Variants in PPP4R4 observed in about 807,000 individuals in gnomAD.
PPP4R4 encodes the protein serine/threonine-protein phosphatase 4 regulatory subunit 4.
In PPP4R4, 70 loss-of-function variants were observed where a neutral mutation model predicts 121.8. That is an observed-to-expected ratio of 0.57 (90% CI 0.47 to 0.70). PPP4R4 has a LOEUF of 0.70. Among genes scored for constraint, PPP4R4 ranks in the 30% least tolerant of loss-of-function variants. The pLI, the probability that PPP4R4 is intolerant of heterozygous loss-of-function variation, is 0.00. For synonymous variants in PPP4R4, 348 were observed against 355.7 expected, an observed-to-expected ratio of 0.98 and a Z score of 0.24; for missense variants, 875 against 1,033.6, an observed-to-expected ratio of 0.85 and a Z score of 2.10.
intron 24 of PPP4R4, among the ~76,000 whole-genome samples, chr14:94,277,699 CTCTT>C (rs1894719188): frequency 6.6e-6 from 1 of 152,136 alleles, no homozygotes; most frequent in Admixed American, 6.5e-5. Context: ...TCAGATTACT[CTCTT>C]TATCTGTTGT....
chr14:94,256,690 G>A (rs1595532703), intron 17 of PPP4R4, 86 bp downstream of exon 17: 2 of 1,256,708 alleles, frequency 1.6e-6, no homozygotes, highest in Non-Finnish European at 2.2e-6. Context: ...TGACAGGATA[G>A]CAATATATTA....
chr14:94,252,891 A>G (rs1893259958), intron 16 of PPP4R4, among the ~76,000 whole-genome samples: 1 of 152,214 alleles, frequency 6.6e-6, no homozygotes, highest in Non-Finnish European at 1.5e-5. Context: ...AAACTTTTTA[A>G]TAGGAAGAGT....
At chr14:94,211,613 A>G (rs1274207946) in intron 3 of PPP4R4, among the ~76,000 whole-genome samples, 4 of 152,094 alleles carry the variant, frequency 2.6e-5, no homozygotes, top group Admixed American at 2.0e-4. Flanking sequence ...TTCTTAGGAC[A>G]GTGAAAAGTC....
Position 94,233,648 on chromosome 14 carries a change from T to C in PPP4R4, c.517-5T>C. The C allele has an allele frequency of 4.5e-6, 7 of 1,553,194 alleles. No homozygotes were observed. The highest frequency in any genetic ancestry group is 6.2e-6 in the Non-Finnish European group (7 of 1,133,270). ...TGAATTTTTTTCTCTAAATTTTCTC[T>C]TTAGATTTTGAATCCACTTGTTTCC... On this transcript the variant is annotated splice_polypyrimidine_tract_variant and splice_region_variant and intron_variant, in intron 5 of 24. Coordinates refer to ENST00000304338, the MANE Select transcript of PPP4R4 (RefSeq NM_058237.2).
chr14:94,208,667 C>A, intron 3 of PPP4R4, 101 bp downstream of exon 3: 2 of 801,054 alleles, frequency 2.5e-6, no homozygotes, highest in Non-Finnish European at 3.9e-6. Context: ...ATCTTTTGCA[C>A]CTAAAAATTG....
intron 2 of PPP4R4, among the ~76,000 whole-genome samples, chr14:94,196,339 A>T (rs1338121479): frequency 1.6e-5 from 2 of 124,820 alleles, no homozygotes; most frequent in Non-Finnish European, 3.2e-5. Flanking sequence ...TGGAGACAGA[A>T]TTTCATTCTG....
chr14:94,210,567 A>C (rs1193216046), intron 3 of PPP4R4, among the ~76,000 whole-genome samples: 1 of 152,136 alleles, frequency 6.6e-6, no homozygotes, highest in East Asian at 1.9e-4. Flanking sequence ...TTATTTTACT[A>C]ATCAACATGC....
intron 8 of PPP4R4, among the ~76,000 whole-genome samples, chr14:94,239,238 G>A (rs1460320541): frequency 6.7e-6 from 1 of 149,750 alleles, no homozygotes; most frequent in Admixed American, 6.7e-5. Context: ...TAGGGTACAT[G>A]GGCACGACGT....
chr14:94,208,658 T>C (rs948317683), intron 3 of PPP4R4, 92 bp downstream of exon 3: 2 of 884,138 alleles, frequency 2.3e-6, no homozygotes, highest in African/African-American at 1.7e-5. Context: ...TGATGGCTGA[T>C]CTTTTGCACC....
chr14:94,262,657 T>A (rs1016405797), intron 19 of PPP4R4, among the ~76,000 whole-genome samples: 1 of 152,078 alleles, frequency 6.6e-6, no homozygotes, highest in Non-Finnish European at 1.5e-5. Context: ...TCTTGAAGAA[T>A]ACACTCTTAG....
intron 23 of PPP4R4, among the ~76,000 whole-genome samples, chr14:94,274,051 C>A (rs551435933): frequency 6.6e-6 from 1 of 152,186 alleles, no homozygotes; most frequent in South Asian, 2.1e-4. Flanking sequence ...CATTCTATGA[C>A]CACATGTACA....
chr14:94,236,370 A>G (rs2139552792), intron 7 of PPP4R4, among the ~76,000 whole-genome samples: 1 of 152,298 alleles, frequency 6.6e-6, no homozygotes, highest in Non-Finnish European at 1.5e-5. Flanking sequence ...GTAGGTATAC[A>G]AATATATTCT....
intron 2 of PPP4R4, 61 bp downstream of exon 2, chr14:94,176,188 G>A (rs1368545461): frequency 3.7e-6 from 5 of 1,364,980 alleles, no homozygotes; most frequent in Non-Finnish European, 5.2e-6. Flanking sequence ...AGAGATGAAT[G>A]CTTTCTAAAA....
intron 3 of PPP4R4, among the ~76,000 whole-genome samples, chr14:94,211,220 C>T (rs764026301): frequency 1.3e-4 from 20 of 152,086 alleles, no homozygotes; most frequent in Non-Finnish European, 2.8e-4. Context: ...AGGCTACAGT[C>T]CAGATGGAGA....
Position 94,218,211 on chromosome 14 carries a change from C to T in PPP4R4, c.294+9645C>T, listed in dbSNP as rs117646375. On this transcript the variant is annotated intron_variant, in intron 3 of 24. Transcript: ENST00000304338. ...AAAAGAGATCTAATATATATGCAAT[C>T]GGCATCTCAGAAAGAGAAAGGAGAA... Among the ~76,000 whole-genome samples, 1,345 of 152,090 alleles carry T rather than the reference C, an allele frequency of 8.8e-3. 12 individuals carry two copies. The highest frequency in any genetic ancestry group is 0.013 in the Non-Finnish European group (915 of 67,996).
intron 2 of PPP4R4, among the ~76,000 whole-genome samples, chr14:94,194,395 C>G (rs967222143): frequency 1.3e-5 from 2 of 152,080 alleles, no homozygotes; most frequent in Non-Finnish European, 2.9e-5. Context: ...CAAGTTGTAA[C>G]CATGATGATT....
rs61680676 is a variant in PPP4R4, at chr14:94,265,891, C to T, written c.2378+4C>T. ...GCAACTTAGAGAAATGTGCTAGGTA[C>T]GATCTGTAAGCCCTTCAATTTTTAA... is the stretch of plus-strand genomic sequence containing the variant. On this transcript the variant is annotated splice_donor_region_variant and intron_variant, in intron 22 of 24. Transcript: ENST00000304338. 137,646 of 1,548,986 alleles carry T rather than the reference C, an allele frequency of 0.089. 7,481 individuals are homozygous for T. Among genetic ancestry groups the T allele is most frequent in the African/African-American group, 0.19 (13,541 of 72,984 alleles).
chr14:94,196,403 G>A (rs111826090), intron 2 of PPP4R4, among the ~76,000 whole-genome samples: 38 of 126,792 alleles, frequency 3.0e-4, no homozygotes, highest in Non-Finnish European at 5.4e-4. Context: ...ACCTCCACCC[G>A]CCAGGTTCAA....
At chr14:94,219,966 G>A (rs1166018708) in intron 3 of PPP4R4, among the ~76,000 whole-genome samples, 1 of 152,194 alleles carries the variant, frequency 6.6e-6, no homozygotes, top group Non-Finnish European at 1.5e-5. Flanking sequence ...GCTCACGCCT[G>A]TAATCCTAGC....
Sources: gnomAD v4.1 joint callset for allele counts (sites outside exome capture counted in the v4.1 genomes callset) on GRCh38, gnomAD v4.1.1 for gene constraint, MANE v1.5 for transcripts, NCBI Gene and HGNC (gene_info 2026-07-23, HGNC 2026-07-21) for gene names.